The following DENND5A variants were observed in gnomAD, a reference collection of about 807,000 sequenced individuals.
The protein encoded by DENND5A is DENN domain-containing protein 5A.
In DENND5A, 64 loss-of-function variants were observed where a neutral mutation model predicts 140.3. That is an observed-to-expected ratio of 0.46 (90% confidence interval 0.37 to 0.56). The LOEUF is 0.56. Among genes scored for constraint, DENND5A ranks in the 20% least tolerant of loss-of-function variants. DENND5A has a pLI of 0.00. For missense variants in DENND5A, 1,292 were observed against 1,593.8 expected (o/e 0.81, Z 3.22); for synonymous variants, 605 against 607.7 (o/e 1.00, Z 0.07).
chr11:9,189,246 T>G (rs1384502738), intron 5 of DENND5A, among the ~76,000 whole-genome samples: 3 of 152,218 alleles, frequency 2.0e-5, no homozygotes, highest in Non-Finnish European at 4.4e-5. Context: ...AATTGGGGTT[T>G]GGGAACCTCT....
intron 1 of DENND5A, among the ~76,000 whole-genome samples, chr11:9,253,633 T>G (rs12293711): frequency 0.033 from 5,046 of 152,144 alleles, 297 homozygotes; most frequent in African/African-American, 0.11. Flanking sequence ...CCAGGTGCGG[T>G]GGCTTATACC....
intron 1 of DENND5A, among the ~76,000 whole-genome samples, chr11:9,248,226 A>AC (rs1324882347): frequency 6.6e-6 from 1 of 152,032 alleles, no homozygotes; most frequent in Non-Finnish European, 1.5e-5. Flanking sequence ...CAAGTGATCC[A>AC]CCTTCCTCAG....
In DENND5A at chr11:9,210,581, T is replaced by C. The variant is rs184533354; in HGVS notation, c.110-2949A>G. ...TGTTTTGAGATAAGGTCACACTCTG[T>C]TGCCCAGGCTGGGGTGCAGTGGCAC... On this transcript the variant is annotated intron_variant, in intron 1 of 22. Transcript: ENST00000328194. Among the ~76,000 whole-genome samples, 1,134 of 152,360 alleles carry C rather than the reference T, an allele frequency of 7.4e-3. 10 individuals carry two copies. Among genetic ancestry groups the C allele is most frequent in the Middle Eastern group, 0.027 (8 of 294 alleles).
At chr11:9,165,503 C>CTTG (rs1848159700) in intron 11 of DENND5A, among the ~76,000 whole-genome samples, 1 of 151,896 alleles carries the variant, frequency 6.6e-6, no homozygotes, top group African/African-American at 2.4e-5. Flanking sequence ...GCAGTGGTGC[C>CTTG]ATCATAGCTC....
In DENND5A at chr11:9,170,789, TACACAC is replaced by T. The variant is rs10550560; in HGVS notation, c.1907-18_1907-13del. 47 of 1,581,336 alleles carry T rather than the reference TACACAC, an allele frequency of 3.0e-5. No homozygotes were observed. The highest frequency in any genetic ancestry group is 3.4e-4 in the Middle Eastern group (2 of 5,824). On this transcript the variant is annotated splice_polypyrimidine_tract_variant and intron_variant, in intron 8 of 22. Coordinates refer to ENST00000328194, the MANE Select transcript of DENND5A (RefSeq NM_015213.4). ...CTCAATTGCTTTCTCTGGATGAGAA[TACACAC>T]ACACACACACACACACACACACATA...
In DENND5A at chr11:9,139,765, T is replaced by G. The variant is rs1452002855; in HGVS notation, c.3770A>C (p.His1257Pro). 3 of 1,614,136 alleles carry G rather than the reference T, an allele frequency of 1.9e-6. No individual in the cohort carries two copies. The highest frequency in any genetic ancestry group is 2.5e-6 in the Non-Finnish European group (3 of 1,180,008). ...ACGAATCAAGGAATTGACAAGTGTA[T>G]GGTCTTTGATCAGTGCCACATCCTC... ...MYEDVALIKD[H>P]TLVNSLIRVL... The change falls in exon 23 of 23, where the codon CAT (histidine) becomes CCT (proline). Residue 1257 changes from histidine (H) to proline (P), a missense_variant. By Grantham distance (77) the His-to-Pro change is moderately conservative. Coordinates refer to ENST00000328194, the MANE Select transcript of DENND5A (RefSeq NM_015213.4).
intron 4 of DENND5A, among the ~76,000 whole-genome samples, chr11:9,201,085 TAAAC>T (rs1385604528): frequency 6.6e-6 from 1 of 151,008 alleles, no homozygotes; most frequent in Non-Finnish European, 1.5e-5. Flanking sequence ...CATACAATAA[TAAAC>T]AAAGGAGAAA....
chr11:9,236,124 G>A (rs961280091), intron 1 of DENND5A, among the ~76,000 whole-genome samples: 12 of 151,732 alleles, frequency 7.9e-5, no homozygotes, highest in Non-Finnish European at 1.8e-4. Flanking sequence ...TCAGGAGGCT[G>A]AGGCAAGAGG....
At chr11:9,222,624 T>C (rs1019803768) in intron 1 of DENND5A, among the ~76,000 whole-genome samples, 1 of 152,166 alleles carries the variant, frequency 6.6e-6, no homozygotes, top group African/African-American at 2.4e-5. Flanking sequence ...TAGGGATAAA[T>C]AGAGCCAGAC....
chr11:9,262,587 C>A (rs569279526), intron 1 of DENND5A, among the ~76,000 whole-genome samples: 2 of 152,106 alleles, frequency 1.3e-5, no homozygotes, highest in Admixed American at 1.3e-4. Flanking sequence ...CCTCTGAGGT[C>A]CCTTCCAACA....
chr11:9,253,643 CA>C (rs1359648728), intron 1 of DENND5A, among the ~76,000 whole-genome samples: 1 of 151,922 alleles, frequency 6.6e-6, no homozygotes, highest in Non-Finnish European at 1.5e-5. Context: ...TGGCTTATAC[CA>C]ATAATCCCAG....
intron 11 of DENND5A, among the ~76,000 whole-genome samples, chr11:9,164,720 C>T (rs756675024): frequency 2.0e-5 from 3 of 152,124 alleles, no homozygotes; most frequent in Non-Finnish European, 2.9e-5. Context: ...ATTTCTGTTT[C>T]TAGATATAAG....
chr11:9,224,257 G>C (rs1272480487), intron 1 of DENND5A, among the ~76,000 whole-genome samples: 1 of 152,078 alleles, frequency 6.6e-6, no homozygotes, highest in Non-Finnish European at 1.5e-5. Flanking sequence ...AAGAAGGAGA[G>C]AACTCTTGAA....
At chr11:9,246,021 C>T (rs1350583224) in intron 1 of DENND5A, among the ~76,000 whole-genome samples, 2 of 152,124 alleles carry the variant, frequency 1.3e-5, no homozygotes, top group Admixed American at 1.3e-4. Context: ...AATTTGCCTA[C>T]CTGACTCTGA....
At chr11:9,255,379 G>A (rs1851901885) in intron 1 of DENND5A, among the ~76,000 whole-genome samples, 1 of 149,336 alleles carries the variant, frequency 6.7e-6, no homozygotes, top group South Asian at 2.1e-4. Flanking sequence ...TCATTTTTCA[G>A]GTTGTTTAAG....
chr11:9,143,378 T>C (rs898880476), intron 20 of DENND5A, 25 bp downstream of exon 20: 1 of 1,597,434 alleles, frequency 6.3e-7, no homozygotes, highest in Non-Finnish European at 8.6e-7. Flanking sequence ...TGTAAGGCCC[T>C]GGATTGGAGG....
intron 11 of DENND5A, among the ~76,000 whole-genome samples, chr11:9,164,497 T>C (rs1162164118): frequency 6.6e-6 from 1 of 152,106 alleles, no homozygotes; most frequent in Non-Finnish European, 1.5e-5. Context: ...ATAAATAGGA[T>C]GTAGTAGAGA....
At chr11:9,194,725 C>CT (rs113562495) in intron 4 of DENND5A, among the ~76,000 whole-genome samples, 202 of 144,814 alleles carry the variant, frequency 1.4e-3, no homozygotes, top group Middle Eastern at 3.5e-3. Flanking sequence ...ATTTCTAGGC[C>CT]TTTTTTTTTT....
At position 9,265,032 on chromosome 11, in the gene DENND5A, C is replaced by T; in HGVS notation, c.38G>A (p.Ser13Asn). 1 of 1,567,536 alleles carries T rather than the reference C, an allele frequency of 6.4e-7. No individual in the cohort carries two copies. Among genetic ancestry groups the T allele is most frequent in the Non-Finnish European group, 8.6e-7 (1 of 1,160,266 alleles). ...GGGGGGGSAP[S>N]RFADYFVICG... ...GATGACAAAGTAGTCGGCGAAGCGACTGGGCGCCGAGCCCCCTCCGCCGCC... is the reference window on the plus strand; with the variant it reads ...GATGACAAAGTAGTCGGCGAAGCGATTGGGCGCCGAGCCCCCTCCGCCGCC... The change falls in exon 1 of 23, where the codon AGT becomes AAT. Residue 13 changes from serine to asparagine, a missense_variant. Transcript: ENST00000328194. This position sits in a 1 kb window ranked among gnomAD's most constrained non-coding sequence, Gnocchi z 4.7.
Sources: allele counts gnomAD v4.1 joint callset (sites outside exome capture counted in the v4.1 genomes callset), GRCh38; gene constraint gnomAD v4.1.1; non-coding constraint Gnocchi (gnomAD v3.1); transcripts MANE v1.5; gene names NCBI Gene and HGNC (gene_info 2026-07-23, HGNC 2026-07-21).